The following CLIC5 variants were observed in gnomAD, a reference collection of about 807,000 sequenced individuals.
The protein encoded by CLIC5 is CLIC family member 5.
CLIC5 carries 20 observed loss-of-function variants against 24.7 expected under a neutral mutation model. The observed-to-expected ratio is 0.81, with a 90% CI of 0.57 to 1.18. The LOEUF is 1.18. Among genes scored for constraint, CLIC5 ranks in the 50% most tolerant of loss-of-function variants. The pLI is 0.00. For synonymous variants in CLIC5, 159 were observed against 135.6 expected (o/e 1.17, Z -1.20); for missense variants, 341 against 326.1 (o/e 1.05, Z -0.35).
rs577146716 is a variant in CLIC5 at position 46,028,799 on chromosome 6, G to A, written c.540+50904C>T. 5.3e-5 allele frequency among the ~76,000 whole-genome samples: 8 copies of A among 152,228 alleles called. No individual in the cohort carries two copies. In the East Asian group the frequency reaches 1.5e-3, roughly 29 times the overall value. On this transcript the variant is annotated intron_variant, in intron 1 of 5. Coordinates refer to the CLIC5 transcript ENST00000185206. The stretch of plus-strand genomic sequence containing the variant: ...TTGTTACAACTGACAAACCTACATA[G>A]GCACATCATAGTCACCCAAAGTCCA...
At chr6:45,925,379 C>A (rs576929573) in intron 4 of CLIC5, among the ~76,000 whole-genome samples, 1 of 148,810 alleles carries the variant, frequency 6.7e-6, no homozygotes, top group Non-Finnish European at 1.5e-5. Context: ...TGCAATGGTG[C>A]GATCTCAGCT....
At chr6:46,102,121 G>A in the CLIC5 span, among the ~76,000 whole-genome samples, 1 of 152,242 alleles carries the variant, frequency 6.6e-6, no homozygotes, top group East Asian at 1.9e-4. Flanking sequence ...AGAATAATTG[G>A]AGAAAAATCA....
chr6:45,884,742 T>C (rs1762290182), intron 6 of CLIC5, among the ~76,000 whole-genome samples: 6 of 152,024 alleles, frequency 3.9e-5, no homozygotes, highest in Admixed American at 3.3e-4. Context: ...TTCTATTACG[T>C]GTGGATACCG....
the CLIC5 span, among the ~76,000 whole-genome samples, chr6:46,086,126 G>A: frequency 2.6e-5 from 4 of 152,286 alleles, no homozygotes; most frequent in African/African-American, 7.2e-5. Context: ...GGAGTGACCC[G>A]ATTTTCCAGG....
chr6:46,085,691 G>A, the CLIC5 span, among the ~76,000 whole-genome samples: 1 of 152,284 alleles, frequency 6.6e-6, no homozygotes, highest in Non-Finnish European at 1.5e-5. Flanking sequence ...CCTACTGGGG[G>A]GTGCCTCCCA....
chr6:45,895,362 A>T (rs534935937), downstream of CLIC5, among the ~76,000 whole-genome samples: 1 of 152,354 alleles, frequency 6.6e-6, no homozygotes, highest in African/African-American at 2.4e-5. Context: ...AAACCATGTG[A>T]TAAAATGAGC....
In CLIC5 at chr6:45,926,131, A is replaced by G. The variant is rs527264462; in HGVS notation, c.407-11722T>C. Among the ~76,000 whole-genome samples, 15 of 152,046 alleles carry G rather than the reference A, an allele frequency of 9.9e-5. No individual in the cohort carries two copies. In the South Asian group the frequency reaches 3.1e-3, roughly 32 times the overall value. ...GTGGCTCAACCCTCCCCTCCCCAGA[A>G]TGTTCTGGAAGGGAAGAGGTTCTAG... is the stretch of plus-strand genomic sequence containing the variant. On this transcript the variant is annotated intron_variant, in intron 4 of 5. Transcript: ENST00000339561.
At chr6:46,037,189 C>T (rs1767686518) in intron 1 of CLIC5, among the ~76,000 whole-genome samples, 3 of 152,182 alleles carry the variant, frequency 2.0e-5, no homozygotes, top group Non-Finnish European at 1.5e-5. Flanking sequence ...TCCCCCTTTA[C>T]TTACAACATG....
chr6:46,082,517 C>T (rs553562989), upstream of CLIC5, among the ~76,000 whole-genome samples: 8 of 152,192 alleles, frequency 5.3e-5, no homozygotes, highest in Non-Finnish European at 1.0e-4. Flanking sequence ...CTCTCCTATA[C>T]CTGTTTTTTC....
At chr6:45,992,610 G>A (rs1486979497) in intron 1 of CLIC5, among the ~76,000 whole-genome samples, 4 of 152,122 alleles carry the variant, frequency 2.6e-5, no homozygotes, top group Admixed American at 1.3e-4. Context: ...TGGGTGGCCT[G>A]TATGTGAATG....
chr6:46,026,108 A>G (rs1435343223), intron 1 of CLIC5, among the ~76,000 whole-genome samples: 2 of 152,126 alleles, frequency 1.3e-5, no homozygotes, highest in Non-Finnish European at 2.9e-5. Context: ...GAGCTCTTTG[A>G]GCAACATAAG....
At chr6:46,106,304 C>T in the CLIC5 span, among the ~76,000 whole-genome samples, 3 of 152,170 alleles carry the variant, frequency 2.0e-5, no homozygotes, top group Admixed American at 6.5e-5. Flanking sequence ...GACAGGGTTT[C>T]ACCATGTTGG....
At chr6:45,912,645 G>T in intron 5 of CLIC5, 1 of 1,526,106 alleles carries the variant, frequency 6.6e-7, no homozygotes, top group South Asian at 1.2e-5. Context: ...GCAAATACAG[G>T]ACCGGAACTC....
chr6:46,119,731 A>G, the CLIC5 span, among the ~76,000 whole-genome samples: 2 of 152,218 alleles, frequency 1.3e-5, no homozygotes, highest in African/African-American at 4.8e-5. Context: ...GGTCACTCCC[A>G]CCCTAATACT....
intron 1 of CLIC5, among the ~76,000 whole-genome samples, chr6:46,005,322 C>T (rs1276905484): frequency 2.6e-5 from 4 of 152,162 alleles, no homozygotes; most frequent in Admixed American, 2.6e-4. Flanking sequence ...GGAAAAGAAA[C>T]CATCACCCTG....
intron 4 of CLIC5, among the ~76,000 whole-genome samples, chr6:45,929,136 T>G (rs955820717): frequency 8.1e-5 from 12 of 148,926 alleles, no homozygotes; most frequent in African/African-American, 2.9e-4. Context: ...CTTCTCCCCA[T>G]GCCTGCCCCA....
rs183632868 is a variant in CLIC5, at chr6:45,932,284, T to C, written c.406+9263A>G. Among the ~76,000 whole-genome samples the C allele has an allele frequency of 2.0e-5, 3 of 152,248 alleles. No individual in the cohort carries two copies. The East Asian group carries it at 5.8e-4, about 30-fold the overall frequency. On this transcript the variant is annotated intron_variant, in intron 4 of 5. Transcript: ENST00000339561. Reference sequence around the variant, plus strand: ...CCCCCACGACCAGCTAATTTTTGTATTTTTAGTAGAGACGGGGTTTCACCA... The same window carrying C: ...CCCCCACGACCAGCTAATTTTTGTACTTTTAGTAGAGACGGGGTTTCACCA...
chr6:45,971,945 C>G (rs1307474705), intron 1 of CLIC5, among the ~76,000 whole-genome samples: 1 of 152,152 alleles, frequency 6.6e-6, no homozygotes, highest in Non-Finnish European at 1.5e-5. Flanking sequence ...GTTTCTTCTA[C>G]TAAGTTGTAA....
chr6:46,028,337 A>C (rs1435599060), intron 1 of CLIC5, among the ~76,000 whole-genome samples: 1 of 152,130 alleles, frequency 6.6e-6, no homozygotes, highest in Admixed American at 6.6e-5. Flanking sequence ...AGCATCACTC[A>C]TCCCTTCTCG....
Sources: allele counts gnomAD v4.1 joint callset (sites outside exome capture counted in the v4.1 genomes callset), GRCh38; gene constraint gnomAD v4.1.1; transcripts MANE v1.5; gene names NCBI Gene and HGNC (gene_info 2026-07-23, HGNC 2026-07-21).